Variants in CACNA1H observed in about 807,000 individuals in gnomAD.
CACNA1H encodes the protein calcium voltage-gated channel subunit alpha1 H, also known as voltage-dependent T-type calcium channel subunit alpha-1H.
CACNA1H carries 149 observed loss-of-function variants against 192.5 expected under a neutral mutation model. That is an observed-to-expected ratio of 0.77 (90% CI 0.68 to 0.89). CACNA1H has a LOEUF of 0.89. CACNA1H is among the 40% of genes least tolerant of loss of function. The probability of loss-of-function intolerance (pLI) is 0.00; values close to 1 mark genes in which losing one functional copy is unlikely to be tolerated. For missense variants in CACNA1H, 4,257 were observed against 3,423.5 expected, an observed-to-expected ratio of 1.24 and a Z score of -6.08; for synonymous variants, 2,202 against 1,475.2, an observed-to-expected ratio of 1.49 and a Z score of -11.29.
At position 1,207,786 on chromosome 16, in the gene CACNA1H, C is replaced by G. The variant is rs947523277; in HGVS notation, c.3080C>G (p.Ser1027Cys). ...TGGGTTTAGGGCGATGCCAACAGAT[C>G]CGACACGGACGAGGACAAGACGTCG... ...GFQAEGDANR[S>C]DTDEDKTSVH... The change falls in exon 15 of 35, where the codon TCC (serine) becomes TGC (cysteine). Residue 1027 changes from serine (S) to cysteine (C), a missense_variant. By Grantham distance (112) the Ser-to-Cys change is moderately radical. Transcript: ENST00000348261. 5.6e-6 allele frequency: 9 copies of G among 1,599,710 alleles called. No homozygotes were observed. Among genetic ancestry groups the G allele is most frequent in the Admixed American group, 1.7e-5 (1 of 58,128 alleles).
At chr16:1,195,854 C>T (rs1175450218) in intron 4 of CACNA1H, 72 bp from the exon 5 acceptor site, 3 of 1,217,712 alleles carry the variant, frequency 2.5e-6, no homozygotes, top group African/African-American at 1.5e-5. Flanking sequence ...GCCCACCCTA[C>T]TTTGCACCCC....
intron 2 of CACNA1H, among the ~76,000 whole-genome samples, chr16:1,172,274 C>G (rs186291348): frequency 3.9e-5 from 6 of 152,320 alleles, no homozygotes; most frequent in African/African-American, 9.6e-5. Flanking sequence ...GGGCTCCCCC[C>G]ACAGTGCATC....
At chr16:1,170,034 G>A (rs920035707) in intron 2 of CACNA1H, among the ~76,000 whole-genome samples, 3 of 152,222 alleles carry the variant, frequency 2.0e-5, no homozygotes, top group African/African-American at 7.2e-5. Flanking sequence ...CCGGTGGGAA[G>A]AGACAGTGTG....
At position 1,221,261 on chromosome 16, in the gene CACNA1H, G is replaced by A. The variant is rs900655517; in HGVS notation, c.*267G>A. On this transcript the variant is annotated 3_prime_UTR_variant, in exon 35 of 35. Coordinates refer to ENST00000348261, the MANE Select transcript of CACNA1H (RefSeq NM_021098.3). Reference sequence around the variant, plus strand: ...GTGCGGGCAACTGGGTCAGCCTCCCGTCAGGAGAGAAGCCGCGTCTGTGGG... The same window carrying A: ...GTGCGGGCAACTGGGTCAGCCTCCCATCAGGAGAGAAGCCGCGTCTGTGGG... 4.5e-5 allele frequency: 21 copies of A among 467,728 alleles called. No homozygotes were observed. Among genetic ancestry groups the A allele is most frequent in the South Asian group, 9.7e-5 (2 of 20,516 alleles). The allele number at this position is 467,728 out of a possible 1,614,324, so 29.0% of individuals were successfully genotyped here.
At chr16:1,217,235 C>T (rs971680113) in intron 31 of CACNA1H, among the ~76,000 whole-genome samples, 9 of 152,226 alleles carry the variant, frequency 5.9e-5, no homozygotes, top group East Asian at 1.9e-4. Context: ...GACACGTGTG[C>T]GGACGTGCAC....
intron 2 of CACNA1H, among the ~76,000 whole-genome samples, chr16:1,188,913 C>A (rs1266914316): frequency 6.6e-6 from 1 of 152,226 alleles, no homozygotes. Context: ...CACTGCCCGC[C>A]CTGCGTCCAC....
In CACNA1H at chr16:1,207,256, G is replaced by A. The variant is rs764138322; in HGVS notation, c.2908-19G>A. 1 of 1,593,732 alleles carries A rather than the reference G, an allele frequency of 6.3e-7. No homozygotes were observed. The highest frequency in any genetic ancestry group is 8.6e-7 in the Non-Finnish European group (1 of 1,168,702). The stretch of plus-strand genomic sequence containing the variant: ...TTCGGGGCTGGGGTGACCACCCCAG[G>A]CCCCCTGCTATCCCCCAGATCCTGA... On this transcript the variant is annotated intron_variant, in intron 13 of 34. Coordinates refer to ENST00000348261, the MANE Select transcript of CACNA1H (RefSeq NM_021098.3).
In CACNA1H at chr16:1,211,249, C is replaced by T. The variant is rs767956114; in HGVS notation, c.4305C>T (p.Leu1435=). The stretch of plus-strand genomic sequence containing the variant: ...TCAGGCCCATTGGGAACATCGTCCT[C>T]ATCTGCTGCGCCTTCTTCATCATTT... ...SSLRPIGNIV[L]ICCAFFIIFG... The change falls in exon 22 of 35, where the codon CTC becomes CTT. Residue 1435 remains leucine (L), a synonymous_variant. Coordinates refer to ENST00000348261, the MANE Select transcript of CACNA1H (RefSeq NM_021098.3). The T allele has an allele frequency of 3.8e-5, 61 of 1,613,036 alleles. No homozygotes were observed. The highest frequency in any genetic ancestry group is 3.1e-4 in the South Asian group (28 of 91,088).
Position 1,220,526 on chromosome 16 carries a change from G to A in CACNA1H, c.6594G>A (p.Ala2198=), listed in dbSNP as rs368694810. ...CCTGCATCTCGGTGGAACCCCCTGC[G>A]GAGGACGAGGGCTCTGCGCGGCCCT... ...SPPCISVEPP[A]EDEGSARPSA... The change falls in exon 35 of 35, where the codon GCG becomes GCA. Residue 2198 remains alanine, a synonymous_variant. Transcript: ENST00000348261. 3.0e-5 allele frequency: 46 copies of A among 1,535,326 alleles called. 1 individual carries two copies. The East Asian group carries it at 4.8e-4, about 16-fold the overall frequency.
At chr16:1,202,542 G>A (rs1968091184) in intron 9 of CACNA1H, 90 bp downstream of exon 9, 4 of 1,189,780 alleles carry the variant, frequency 3.4e-6, no homozygotes, top group Non-Finnish European at 4.6e-6. Context: ...CACCCATTGT[G>A]GGCACTCTGA....
At chr16:1,208,616 G>A (rs548556465) in intron 16 of CACNA1H, among the ~76,000 whole-genome samples, 34 of 152,310 alleles carry the variant, frequency 2.2e-4, no homozygotes, top group Non-Finnish European at 4.7e-4. Flanking sequence ...GACTGGAGGG[G>A]AGCAGTTTTG....
chr16:1,154,019 CCGGCTGGTCTG>C lies in CACNA1H; in HGVS notation c.284_294del (p.Arg95GlnfsTer26). 7.3e-7 allele frequency: 1 copy of C among 1,371,894 alleles called. No homozygotes were observed. Among genetic ancestry groups the C allele is most frequent in the Non-Finnish European group, 9.5e-7 (1 of 1,054,316 alleles). The allele number at this position is 1,371,894 out of a possible 1,614,324, so 85.0% of individuals were successfully genotyped here. On this transcript the variant is annotated frameshift_variant, in exon 2 of 35. Coordinates refer to ENST00000348261, the MANE Select transcript of CACNA1H (RefSeq NM_021098.3). LOFTEE classifies it high-confidence loss of function. ...CCACGCGGCCGCGCAGCTGGTGCCT[CCGGCTGGTCTG>C]CAACCCATATCCTTCCCGGCCGGCG...
chr16:1,194,423 C>G (rs981004134), intron 2 of CACNA1H, among the ~76,000 whole-genome samples: 1 of 152,164 alleles, frequency 6.6e-6, no homozygotes, highest in African/African-American at 2.4e-5. Flanking sequence ...GCCGCGCAGC[C>G]CTGGGACAGG....
rs921388379 is a variant in CACNA1H, at chr16:1,167,342, G to A, written c.299+13306G>A. ...GACACACGGGTGCGGGGGCGATATC[G>A]GCGCGGAGCGGGCGGGGTGGCGCCC... On this transcript the variant is annotated intron_variant, in intron 2 of 34. Coordinates refer to ENST00000348261, the MANE Select transcript of CACNA1H (RefSeq NM_021098.3). The surrounding 1 kb of genome is among the most constrained non-coding windows in gnomAD (Gnocchi z 4.2). 8.5e-5 allele frequency among the ~76,000 whole-genome samples: 13 copies of A among 152,172 alleles called. No homozygotes were observed. Among genetic ancestry groups the A allele is most frequent in the African/African-American group, 3.1e-4 (13 of 41,440 alleles).
chr16:1,153,754 G>T lies in CACNA1H; in HGVS notation c.17G>T (p.Arg6Leu). 8.2e-7 allele frequency: 1 copy of T among 1,213,054 alleles called. No homozygotes were observed. The highest frequency in any genetic ancestry group is 1.0e-6 in the Non-Finnish European group (1 of 975,926). 75.1% of individuals were successfully genotyped at this position (1,213,054 alleles called of 1,614,324 possible). The change falls in exon 2 of 35, where the codon CGG becomes CTG. Residue 6 changes from arginine (R) to leucine (L), a missense_variant. By Grantham distance (102) the Arg-to-Leu change is moderately radical (BLOSUM62 -2). Coordinates refer to ENST00000348261, the MANE Select transcript of CACNA1H (RefSeq NM_021098.3). MTEGA[R>L]AADEVRVPLG... ...GCCGCCACCATGACCGAGGGCGCAC[G>T]GGCCGCCGACGAGGTCCGGGTGCCC...
chr16:1,186,430 C>T (rs1966066415), intron 2 of CACNA1H, among the ~76,000 whole-genome samples: 2 of 152,074 alleles, frequency 1.3e-5, no homozygotes, highest in African/African-American at 4.8e-5. Context: ...GTGCAGAAAG[C>T]CGGACGATGC....
At chr16:1,217,273 C>A (rs949653037) in intron 31 of CACNA1H, among the ~76,000 whole-genome samples, 1 of 152,218 alleles carries the variant, frequency 6.6e-6, no homozygotes, top group African/African-American at 2.4e-5. Context: ...GGGATGCCTG[C>A]CACACGTGAG....
At chr16:1,203,502 T>C (rs1596416343) in intron 9 of CACNA1H, among the ~76,000 whole-genome samples, 1 of 152,260 alleles carries the variant, frequency 6.6e-6, no homozygotes, top group East Asian at 1.9e-4. Context: ...TGGGTGTGTG[T>C]GCCCAGGTGT....
intron 2 of CACNA1H, among the ~76,000 whole-genome samples, chr16:1,174,517 A>G (rs1409892193): frequency 2.1e-5 from 3 of 146,284 alleles, no homozygotes; most frequent in Non-Finnish European, 4.6e-5. Context: ...GGCCATGGGG[A>G]GGGAGGGAGG....
Sources: gnomAD v4.1 joint callset for allele counts (sites outside exome capture counted in the v4.1 genomes callset) on GRCh38, gnomAD v4.1.1 for gene constraint, Gnocchi (gnomAD v3.1) non-coding constraint, MANE v1.5 for transcripts, NCBI Gene and HGNC (gene_info 2026-07-23, HGNC 2026-07-21) for gene names.